Variants in COL25A1 observed in about 807,000 individuals in gnomAD.
COL25A1 encodes collagen alpha-1(XXV) chain.
A neutral mutation model predicts 128.4 loss-of-function variants in COL25A1; 103 were observed. The observed-to-expected ratio is 0.80, with a 90% CI of 0.68 to 0.94. The LOEUF is 0.94. Among genes scored for constraint, COL25A1 ranks in the 40% least tolerant of loss-of-function variants. The pLI, the probability that COL25A1 is intolerant of heterozygous loss-of-function variation, is 0.00. For missense variants in COL25A1, 745 were observed against 840.0 expected, an observed-to-expected ratio of 0.89 and a Z score of 1.40; for synonymous variants, 279 against 277.2, an observed-to-expected ratio of 1.01 and a Z score of -0.06.
At position 109,218,355 on chromosome 4, in the gene COL25A1, G is replaced by GTTTTTTT. The variant is rs1375312875; in HGVS notation, c.367+82227_367+82228insAAAAAAA. ...TGCAGAATCAATTGCTGGTTTTTTGGGGTTTTTTTTTTTTTTTTTTTTTTT... is the reference window on the plus strand; with the variant it reads ...TGCAGAATCAATTGCTGGTTTTTTGGTTTTTTTGGTTTTTTTTTTTTTTTTTTTTTTT... On this transcript the variant is annotated intron_variant, in intron 3 of 37. Coordinates refer to ENST00000399132, the MANE Select transcript of COL25A1 (RefSeq NM_198721.4). Among the ~76,000 whole-genome samples the GTTTTTTT allele has an allele frequency of 8.2e-3, 638 of 78,186 alleles. 8 individuals are homozygous for GTTTTTTT. The highest frequency in any genetic ancestry group is 0.034 in the African/African-American group (568 of 16,932). 51.3% of individuals were successfully genotyped at this position (78,186 alleles called of 152,430 possible).
chr4:108,827,685 C>T (rs1732551308), intron 32 of COL25A1, among the ~76,000 whole-genome samples: 1 of 151,950 alleles, frequency 6.6e-6, no homozygotes, highest in Non-Finnish European at 1.5e-5. Context: ...CACCACTATG[C>T]CCAGGTAGTT....
chr4:109,218,356 G>GGTTTTTTGTTTGTTTGTTT lies in COL25A1; in HGVS notation c.367+82226_367+82227insAAACAAACAAACAAAAAAC, dbSNP rs1553961820. Among the ~76,000 whole-genome samples the GGTTTTTTGTTTGTTTGTTT allele has an allele frequency of 6.0e-3, 600 of 100,226 alleles. 13 individuals are homozygous for GGTTTTTTGTTTGTTTGTTT. The highest frequency in any genetic ancestry group is 0.023 in the African/African-American group (556 of 24,218). 65.8% of individuals were successfully genotyped at this position (100,226 alleles called of 152,430 possible). ...GCAGAATCAATTGCTGGTTTTTTGG[G>GGTTTTTTGTTTGTTTGTTT]GTTTTTTTTTTTTTTTTTTTTTTTT... is the stretch of plus-strand genomic sequence containing the variant. On this transcript the variant is annotated intron_variant, in intron 3 of 37. Transcript: ENST00000399132.
chr4:108,831,107 AT>A (rs79120484), intron 32 of COL25A1, among the ~76,000 whole-genome samples: 5 of 150,140 alleles, frequency 3.3e-5, no homozygotes, highest in African/African-American at 9.8e-5. Flanking sequence ...TCCTTCATGC[AT>A]TTTTTTTTCT....
At chr4:109,285,580 G>A (rs1391817489) in intron 3 of COL25A1, among the ~76,000 whole-genome samples, 1 of 152,210 alleles carries the variant, frequency 6.6e-6, no homozygotes, top group Non-Finnish European at 1.5e-5. Context: ...CTAAAAAAGG[G>A]ATTATCAGTG....
At chr4:109,099,797 T>C (rs1046185028) in intron 3 of COL25A1, among the ~76,000 whole-genome samples, 3 of 151,994 alleles carry the variant, frequency 2.0e-5, no homozygotes, top group Admixed American at 1.3e-4. Flanking sequence ...AAATAGTTAA[T>C]GTGAAAGAAA....
intron 6 of COL25A1, among the ~76,000 whole-genome samples, chr4:109,007,959 T>A (rs143350334): frequency 2.1e-4 from 32 of 152,360 alleles, no homozygotes; most frequent in Middle Eastern, 3.4e-3. Flanking sequence ...TGTTTCTTTT[T>A]ACAGTTACTC....
chr4:108,812,915 C>G lies in COL25A1; in HGVS notation c.*1012G>C, dbSNP rs938556183. On this transcript the variant is annotated 3_prime_UTR_variant, in exon 38 of 38. Coordinates refer to ENST00000399132, the MANE Select transcript of COL25A1 (RefSeq NM_198721.4). ...ATCCCTTTTCCCTCAGGGACAGGAT[C>G]TCCCATTCCAAGAATCTCCTATTCC... 6.6e-6 allele frequency: 1 copy of G among 152,154 alleles called. No individual in the cohort carries two copies. The highest frequency in any genetic ancestry group is 1.5e-5 in the Non-Finnish European group (1 of 68,010). 9.4% of individuals were successfully genotyped at this position (152,154 alleles called of 1,614,324 possible).
chr4:109,211,622 T>TA (rs200504128), intron 3 of COL25A1, among the ~76,000 whole-genome samples: 3 of 150,962 alleles, frequency 2.0e-5, no homozygotes, highest in East Asian at 3.9e-4. Context: ...ACTTAAAAAA[T>TA]AAAAAAAAAT....
chr4:108,846,645 C>T (rs972703259), intron 27 of COL25A1, among the ~76,000 whole-genome samples: 1 of 151,996 alleles, frequency 6.6e-6, no homozygotes, highest in African/African-American at 2.4e-5. Context: ...CACTATACTC[C>T]CCTCCCTCCT....
At chr4:109,212,761 C>T (rs1777678388) in intron 3 of COL25A1, among the ~76,000 whole-genome samples, 1 of 152,028 alleles carries the variant, frequency 6.6e-6, no homozygotes, top group Admixed American at 6.6e-5. Flanking sequence ...TTATCTTTTG[C>T]TTTTAAAATT....
chr4:109,014,257 A>C (rs1172392021), intron 5 of COL25A1, among the ~76,000 whole-genome samples: 1 of 152,036 alleles, frequency 6.6e-6, no homozygotes, highest in Non-Finnish European at 1.5e-5. Flanking sequence ...CAGTGAGCTG[A>C]GACTGTGCCA....
chr4:109,044,655 C>T (rs1217076492), intron 5 of COL25A1, among the ~76,000 whole-genome samples: 1 of 152,050 alleles, frequency 6.6e-6, no homozygotes, highest in Non-Finnish European at 1.5e-5. Flanking sequence ...GAAATTTACT[C>T]GATGTAGGTT....
At chr4:109,118,384 C>G (rs75106101) in intron 3 of COL25A1, among the ~76,000 whole-genome samples, 1 of 36,016 alleles carries the variant, frequency 2.8e-5, no homozygotes, top group African/African-American at 5.7e-4. Flanking sequence ...AGATAACACA[C>G]GTGAGGTGAT....
At chr4:109,237,663 TAAA>T (rs1779566457) in intron 3 of COL25A1, among the ~76,000 whole-genome samples, 1 of 151,824 alleles carries the variant, frequency 6.6e-6, no homozygotes, top group Non-Finnish European at 1.5e-5. Flanking sequence ...ATTTGTGTGA[TAAA>T]ATATGCATAA....
intron 3 of COL25A1, among the ~76,000 whole-genome samples, chr4:109,190,978 G>A (rs1775556708): frequency 6.6e-6 from 1 of 152,134 alleles, no homozygotes; most frequent in East Asian, 1.9e-4. Context: ...AATTATTTTA[G>A]ATCTGTGGCA....
At chr4:109,168,686 G>A (rs1382520449) in intron 3 of COL25A1, among the ~76,000 whole-genome samples, 1 of 152,052 alleles carries the variant, frequency 6.6e-6, no homozygotes, top group African/African-American at 2.4e-5. Flanking sequence ...TGCTCTTTCA[G>A]GGCCATGCCA....
chr4:109,225,923 C>G (rs935111317), intron 3 of COL25A1, among the ~76,000 whole-genome samples: 1 of 151,480 alleles, frequency 6.6e-6, no homozygotes, highest in Non-Finnish European at 1.5e-5. Context: ...ACTAGTCACA[C>G]GCTAGTTTGT....
At chr4:108,853,450 CT>C (rs984087204) in intron 24 of COL25A1, among the ~76,000 whole-genome samples, 2 of 151,258 alleles carry the variant, frequency 1.3e-5, no homozygotes, top group South Asian at 4.2e-4. Context: ...ATCTAATTTC[CT>C]TTTTTTTGGC....
At chr4:108,817,319 T>C in intron 37 of COL25A1, 78 bp downstream of exon 37, 1 of 1,350,520 alleles carries the variant, frequency 7.4e-7, no homozygotes, top group Non-Finnish European at 1.1e-6. Flanking sequence ...CCGAAGGTCT[T>C]TTCTGAATGG....
Sources: allele counts gnomAD v4.1 joint callset (sites outside exome capture counted in the v4.1 genomes callset), GRCh38; gene constraint gnomAD v4.1.1; transcripts MANE v1.5; gene names NCBI Gene and HGNC (gene_info 2026-07-23, HGNC 2026-07-21).